The following MAP4 variants were observed in gnomAD, a reference collection of about 807,000 sequenced individuals.
The protein encoded by MAP4 is microtubule-associated protein 4.
MAP4 carries 76 observed loss-of-function variants against 170.2 expected under a neutral mutation model. That is an observed-to-expected ratio of 0.45 (90% confidence interval 0.37 to 0.54). The LOEUF (loss-of-function observed/expected upper bound fraction) is 0.54, where lower values mean the gene tolerates loss of function less well. Among genes scored for constraint, MAP4 ranks in the 20% least tolerant of loss-of-function variants. The pLI is 0.00. For missense variants in MAP4, 2,506 were observed against 2,748.0 expected (o/e 0.91, Z 1.97); for synonymous variants, 909 against 994.5 (o/e 0.91, Z 1.62).
chr3:48,053,826 C>A (rs568641556), intron 1 of MAP4, among the ~76,000 whole-genome samples: 1 of 151,900 alleles, frequency 6.6e-6, no homozygotes, highest in African/African-American at 2.4e-5. Flanking sequence ...ATGCTTATAT[C>A]GAGCAAAAAG....
In MAP4 at chr3:48,059,693, G is replaced by A. The variant is rs1451385733; in HGVS notation, c.-20+29080C>T. 2.0e-5 allele frequency among the ~76,000 whole-genome samples: 3 copies of A among 151,704 alleles called. No homozygotes were observed. The East Asian group carries it at 5.8e-4, about 29-fold the overall frequency. ...CTCACACCTGTAATCCTAGCATTTT[G>A]GGAGGCTGAAGCGGGTGGCTCACGC... is the stretch of plus-strand genomic sequence containing the variant. On this transcript the variant is annotated intron_variant, in intron 1 of 18. Coordinates refer to the MAP4 transcript ENST00000360240.
chr3:48,067,078 A>G (rs1339146416), intron 1 of MAP4, among the ~76,000 whole-genome samples: 5 of 151,750 alleles, frequency 3.3e-5, no homozygotes, highest in Non-Finnish European at 7.4e-5. Context: ...CTGACCTGGT[A>G]ATCCGCCCAC....
At chr3:47,974,522 G>A (rs2100080803) in intron 3 of MAP4, 6 of 981,258 alleles carry the variant, frequency 6.1e-6, no homozygotes, top group Non-Finnish European at 7.3e-6. Context: ...GTTATAAGAA[G>A]CTGCATAATC....
chr3:47,881,462 A>ATAT (rs2096716819), intron 10 of MAP4, among the ~76,000 whole-genome samples: 1 of 35,984 alleles, frequency 2.8e-5, no homozygotes, highest in Middle Eastern at 0.011. Context: ...ATATATATAT[A>ATAT]TATATATATA....
intron 2 of MAP4, among the ~76,000 whole-genome samples, chr3:47,983,383 T>TA (rs1262775724): frequency 6.6e-6 from 1 of 151,724 alleles, no homozygotes; most frequent in Non-Finnish European, 1.5e-5. Flanking sequence ...CTTATTTATT[T>TA]ATTTATTTAT....
chr3:47,934,060 ATACT>A (rs1212518353), intron 3 of MAP4, among the ~76,000 whole-genome samples: 1 of 152,168 alleles, frequency 6.6e-6, no homozygotes, highest in African/African-American at 2.4e-5. Context: ...TAGGTCACAC[ATACT>A]TGTTTTTAAA....
At chr3:47,941,843 T>C (rs544308977) in intron 3 of MAP4, among the ~76,000 whole-genome samples, 1 of 152,186 alleles carries the variant, frequency 6.6e-6, no homozygotes, top group South Asian at 2.1e-4. Flanking sequence ...TCTCCTTCAT[T>C]TTTGAAACTA....
In MAP4 at chr3:47,917,186, A is replaced by G; in HGVS notation, c.653-12T>C. On this transcript the variant is annotated splice_polypyrimidine_tract_variant and intron_variant, in intron 6 of 20. Coordinates refer to ENST00000683076, the MANE Select transcript of MAP4 (RefSeq NM_001385682.1). ...TAGCTCTAAGGGAACTAAATTGGAA[A>G]TTTAGGACACATCATTGTCTACTCA... is the stretch of plus-strand genomic sequence containing the variant. 2 of 1,605,716 alleles carry G rather than the reference A, an allele frequency of 1.2e-6. No individual in the cohort carries two copies. Among genetic ancestry groups the G allele is most frequent in the Non-Finnish European group, 1.7e-6 (2 of 1,175,610 alleles).
At chr3:48,007,123 AT>A (rs1453397423) in intron 1 of MAP4, among the ~76,000 whole-genome samples, 14 of 152,354 alleles carry the variant, frequency 9.2e-5, no homozygotes, top group Non-Finnish European at 2.1e-4. Flanking sequence ...CATTGATGAC[AT>A]TATGCTGACT....
intron 4 of MAP4, among the ~76,000 whole-genome samples, chr3:47,925,387 A>G (rs1042539922): frequency 1.3e-5 from 2 of 152,120 alleles, no homozygotes; most frequent in Middle Eastern, 3.2e-3. Flanking sequence ...CCTGATTTAA[A>G]TTATTTATGT....
chr3:48,086,799 C>T (rs2100149285), intron 1 of MAP4, among the ~76,000 whole-genome samples: 1 of 152,174 alleles, frequency 6.6e-6, no homozygotes, highest in Non-Finnish European at 1.5e-5. Context: ...GTGCACATGG[C>T]ACTTAATACT....
intron 1 of MAP4, among the ~76,000 whole-genome samples, chr3:48,005,144 G>A (rs1167809829): frequency 3.3e-5 from 5 of 152,108 alleles, no homozygotes; most frequent in East Asian, 1.9e-4. Context: ...GGCGGATCAC[G>A]AGGTCAGGAG....
chr3:47,920,432 G>T (rs995157858), intron 5 of MAP4, among the ~76,000 whole-genome samples: 1 of 151,000 alleles, frequency 6.6e-6, no homozygotes, highest in Non-Finnish European at 1.5e-5. Flanking sequence ...TAGTAGAGAC[G>T]GGATTTCACC....
intron 17 of MAP4, among the ~76,000 whole-genome samples, chr3:47,863,821 G>A (rs1030722871): frequency 4.6e-5 from 7 of 151,792 alleles, no homozygotes; most frequent in South Asian, 2.1e-4. Context: ...ATGTCTGTCT[G>A]TCTGTCGGGG....
intron 2 of MAP4, among the ~76,000 whole-genome samples, chr3:47,998,331 TA>T (rs1337720639): frequency 1.3e-5 from 2 of 152,212 alleles, no homozygotes; most frequent in Non-Finnish European, 2.9e-5. Context: ...GAATTTTATT[TA>T]ACTTTTCAAA....
At chr3:48,016,085 C>G (rs1241848622) in intron 1 of MAP4, among the ~76,000 whole-genome samples, 2 of 152,196 alleles carry the variant, frequency 1.3e-5, no homozygotes, top group Non-Finnish European at 2.9e-5. Context: ...GGATTAGCAA[C>G]AGCAGAGAGC....
intron 1 of MAP4, chr3:48,088,662 C>T (rs1327415565): frequency 6.6e-6 from 1 of 152,378 alleles, no homozygotes; most frequent in African/African-American, 2.4e-5. Flanking sequence ...CCCTTCCACG[C>T]CTCGGGCGGG....
intron 10 of MAP4, among the ~76,000 whole-genome samples, chr3:47,893,213 G>A (rs2100025014): frequency 6.6e-6 from 1 of 152,100 alleles, no homozygotes; most frequent in Admixed American, 6.6e-5. Context: ...TTAATAAAGG[G>A]TTCATTTAAA....
intron 16 of MAP4, among the ~76,000 whole-genome samples, chr3:47,868,610 T>G (rs977948974): frequency 6.6e-6 from 1 of 152,132 alleles, no homozygotes; most frequent in Non-Finnish European, 1.5e-5. Context: ...GGTTTCCAGG[T>G]TTACAGAGGC....
Sources: allele counts gnomAD v4.1 joint callset (sites outside exome capture counted in the v4.1 genomes callset), GRCh38; gene constraint gnomAD v4.1.1; transcripts MANE v1.5; gene names NCBI Gene and HGNC (gene_info 2026-07-23, HGNC 2026-07-21).